Variants in ARGFX observed in about 807,000 individuals in gnomAD.
The protein encoded by ARGFX is arginine-fifty homeobox.
ARGFX carries 10 observed loss-of-function variants against 8.0 expected under a neutral mutation model. That is an observed-to-expected ratio of 1.25 (90% CI 0.77 to 2.12). The LOEUF (loss-of-function observed/expected upper bound fraction) is 2.12, where lower values mean the gene tolerates loss of function less well. Among genes scored for constraint, ARGFX ranks in the 30% most tolerant of loss-of-function variants. ARGFX has a pLI of 0.00. For synonymous variants in ARGFX, 116 were observed against 117.8 expected, an observed-to-expected ratio of 0.98 and a Z score of 0.10; for missense variants, 282 against 324.3, an observed-to-expected ratio of 0.87 and a Z score of 1.00.
rs193222326 is a variant in ARGFX, at chr3:121,578,515, C to T, written c.220+1615C>T. Among the ~76,000 whole-genome samples the T allele has an allele frequency of 1.6e-4, 25 of 151,996 alleles. 1 individual carries two copies. The highest frequency in any genetic ancestry group is 1.5e-3 in the South Asian group (7 of 4,826). ...TCTAGCACTTTGGGAGGCTGAGGTG[C>T]GGAGGATCACTTGAGCCAAGGAGTT... On this transcript the variant is annotated intron_variant, in intron 3 of 4. Coordinates refer to ENST00000334384, the MANE Select transcript of ARGFX (RefSeq NM_001012659.2).
At chr3:121,579,051 A>G (rs574263519) in intron 3 of ARGFX, among the ~76,000 whole-genome samples, 5 of 152,334 alleles carry the variant, frequency 3.3e-5, no homozygotes, top group African/African-American at 1.2e-4. Flanking sequence ...ACTTTTCCAC[A>G]GTGCAACTTG....
chr3:121,582,358 T>C (rs1487254376), intron 3 of ARGFX, among the ~76,000 whole-genome samples: 2 of 152,142 alleles, frequency 1.3e-5, no homozygotes, highest in Non-Finnish European at 2.9e-5. Context: ...TGTTATTTAA[T>C]TAAAAGAACA....
intron 2 of ARGFX, among the ~76,000 whole-genome samples, chr3:121,573,202 C>T (rs576230510): frequency 6.6e-5 from 10 of 152,150 alleles, no homozygotes; most frequent in Middle Eastern, 3.2e-3. Flanking sequence ...GAAATGGGGC[C>T]GGGCATGGTG....
Position 121,577,255 on chromosome 3 carries a change from A to ATTTT in ARGFX, c.220+356_220+357insTTTT, listed in dbSNP as rs1328015610. Among the ~76,000 whole-genome samples the ATTTT allele has an allele frequency of 3.2e-3, 179 of 56,054 alleles. 1 individual carries two copies. The highest frequency in any genetic ancestry group is 0.02 in the South Asian group (39 of 1,918). 36.8% of individuals were successfully genotyped at this position (56,054 alleles called of 152,430 possible). On this transcript the variant is annotated intron_variant, in intron 3 of 4. Transcript: ENST00000334384. ...TATATATATATATATATATATATAT[A>ATTTT]TATATTTTTTTTTTTTTAAATGGAG...
chr3:121,585,969 CA>C lies in ARGFX; in HGVS notation c.370-51del, dbSNP rs561355837. Reference sequence around the variant, plus strand: ...GCTGTTTTCACTCAGGAGAATCCTCCAATGCCTCCTCCAATAACAGACCACA... The same window carrying C: ...GCTGTTTTCACTCAGGAGAATCCTCCATGCCTCCTCCAATAACAGACCACA... On this transcript the variant is annotated intron_variant, in intron 4 of 4. Coordinates refer to ENST00000334384, the MANE Select transcript of ARGFX (RefSeq NM_001012659.2). 4,738 of 1,486,888 alleles carry C rather than the reference CA, an allele frequency of 3.2e-3. 10 individuals are homozygous for C. Among genetic ancestry groups the C allele is most frequent in the Non-Finnish European group, 3.9e-3 (4,295 of 1,104,710 alleles). The allele number at this position is 1,486,888 out of a possible 1,614,324, so 92.1% of individuals were successfully genotyped here. A position where few individuals can be genotyped will look rare whatever the true frequency, so the allele number is the denominator to read the frequency against.
At chr3:121,573,233 C>A (rs1419129540) in intron 2 of ARGFX, among the ~76,000 whole-genome samples, 2 of 152,284 alleles carry the variant, frequency 1.3e-5, no homozygotes, top group East Asian at 3.9e-4. Flanking sequence ...GTAATCCCAG[C>A]ACTTTGCAAG....
Position 121,586,582 on chromosome 3 carries a change from A to G in ARGFX, c.930A>G (p.Val310=), listed in dbSNP as rs2048814495. ...SLEFQKTSNM[V]DLGFL ...AATTCCAGAAAACCTCCAATATGGT[A>G]GACTTGGGATTTCTCTGACCAGAGT... is the stretch of plus-strand genomic sequence containing the variant. Residue 310 remains valine, a synonymous_variant, in exon 5 of 5, where the codon GTA becomes GTG. Transcript: ENST00000334384. 6.2e-7 allele frequency: 1 copy of G among 1,613,262 alleles called. No individual in the cohort carries two copies. Among genetic ancestry groups the G allele is most frequent in the South Asian group, 1.1e-5 (1 of 90,960 alleles).
chr3:121,576,707 TTTTCTTTCTTTCTTTCTTTCTTTC>T (rs200520122), intron 2 of ARGFX, 53 bp from the exon 3 acceptor site: 3 of 246,626 alleles, frequency 1.2e-5, no homozygotes, highest in African/African-American at 8.0e-5. Context: ...CTTTCTTTCT[TTTTCTTTCTTTCTTTCTTTCTTTC>T]TTTCTTTCTT....
chr3:121,582,196 T>TG (rs1464472819), intron 3 of ARGFX, among the ~76,000 whole-genome samples: 3 of 152,130 alleles, frequency 2.0e-5, no homozygotes, highest in Non-Finnish European at 2.9e-5. Context: ...GGGATGAGTG[T>TG]GGGGGGAAAG....
Position 121,576,877 on chromosome 3 carries a change from C to A in ARGFX, c.197C>A (p.Ala66Asp). Residue 66 changes from alanine (A) to aspartate (D), a missense_variant, in exon 3 of 5, where the codon GCC (alanine) becomes GAC (aspartate). Ala to Asp is a moderately radical substitution (Grantham distance 126). Transcript: ENST00000334384. The stretch of plus-strand genomic sequence containing the variant: ...GGTTCAACTGATCCTCCCACCTCAG[C>A]CTCCCGAGTAGCTGCGACTACAGGT... ...LPGSTDPPTS[A>D]SRVAATTAIR... 1 of 385,608 alleles carries A rather than the reference C, an allele frequency of 2.6e-6. No individual in the cohort carries two copies. Among genetic ancestry groups the A allele is most frequent in the Non-Finnish European group, 5.0e-6 (1 of 198,458 alleles). 23.9% of individuals were successfully genotyped at this position (385,608 alleles called of 1,614,324 possible).
At chr3:121,570,313 A>G (rs757746167) in intron 1 of ARGFX, among the ~76,000 whole-genome samples, 41 of 152,320 alleles carry the variant, frequency 2.7e-4, no homozygotes, top group Non-Finnish European at 4.9e-4. Context: ...GTAAAAAACA[A>G]TCTAAGTTGA....
intron 3 of ARGFX, among the ~76,000 whole-genome samples, chr3:121,584,292 C>CAAAGA (rs1401246947): frequency 6.7e-6 from 1 of 150,284 alleles, no homozygotes; most frequent in African/African-American, 2.5e-5. Context: ...CAAAGCAAAG[C>CAAAGA]AAAGCAAAGA....
chr3:121,575,682 G>A (rs571529268), intron 2 of ARGFX, among the ~76,000 whole-genome samples: 1 of 152,296 alleles, frequency 6.6e-6, no homozygotes, highest in East Asian at 1.9e-4. Flanking sequence ...GGGAGACCGA[G>A]GTGGGTGGAT....
At chr3:121,579,712 G>A (rs964796412) in intron 3 of ARGFX, among the ~76,000 whole-genome samples, 1 of 152,078 alleles carries the variant, frequency 6.6e-6, no homozygotes, top group African/African-American at 2.4e-5. Context: ...TCAGGAGGCT[G>A]ATGAGCTGGG....
At position 121,590,477 on chromosome 3, in the gene ARGFX, C is replaced by G. The variant is rs1248361235; in HGVS notation, c.*3877C>G. 6.8e-5 allele frequency among the ~76,000 whole-genome samples: 10 copies of G among 148,126 alleles called. No individual in the cohort carries two copies. The highest frequency in any genetic ancestry group is 1.5e-4 in the Non-Finnish European group (10 of 67,158). On this transcript the variant is annotated 3_prime_UTR_variant, in exon 5 of 5. Coordinates refer to ENST00000334384, the MANE Select transcript of ARGFX (RefSeq NM_001012659.2). The stretch of plus-strand genomic sequence containing the variant: ...CCCACCCCCACCTCTATCTTTCTCT[C>G]TCTCTCTTACCTCCTCCTCTCCCTT...
intron 1 of ARGFX, among the ~76,000 whole-genome samples, 173 bp downstream of exon 1, chr3:121,568,186 T>C (rs969052536): frequency 3.9e-5 from 6 of 152,190 alleles, no homozygotes; most frequent in Non-Finnish European, 7.4e-5. Flanking sequence ...AGACTGACTG[T>C]TCACCTCATG....
chr3:121,577,255 A>T (rs1381903912), intron 3 of ARGFX, among the ~76,000 whole-genome samples: 1,477 of 55,832 alleles, frequency 0.026, 18 homozygotes, highest in Non-Finnish European at 0.031. Flanking sequence ...ATATATATAT[A>T]TATATTTTTT....
chr3:121,587,964 A>AAT lies in ARGFX; in HGVS notation c.*1378_*1379dup, dbSNP rs3044706. ...TTTTAATATAGTACAATGAAAAAAT[A>AAT]ATATATATATATATAGTACAATGGT... is the stretch of plus-strand genomic sequence containing the variant. On this transcript the variant is annotated 3_prime_UTR_variant, in exon 5 of 5. Transcript: ENST00000334384. Among the ~76,000 whole-genome samples, 72 of 150,616 alleles carry AAT rather than the reference A, an allele frequency of 4.8e-4. No individual in the cohort carries two copies. Among genetic ancestry groups the AAT allele is most frequent in the African/African-American group, 8.3e-4 (34 of 41,080 alleles).
chr3:121,572,235 TG>T (rs140255279), intron 2 of ARGFX, among the ~76,000 whole-genome samples: 2,801 of 91,112 alleles, frequency 0.031, 51 homozygotes, highest in African/African-American at 0.074. Flanking sequence ...TTATTATTGT[TG>T]TTTTTTTTTT....
Sources: allele counts gnomAD v4.1 joint callset (sites outside exome capture counted in the v4.1 genomes callset), GRCh38; gene constraint gnomAD v4.1.1; transcripts MANE v1.5; gene names NCBI Gene and HGNC (gene_info 2026-07-23, HGNC 2026-07-21).